CDH18: variants seen among roughly 807,000 people sequenced by gnomAD.
CDH18 encodes the protein cadherin-18.
CDH18 carries 31 observed loss-of-function variants against 67.9 expected under a neutral mutation model. The observed-to-expected ratio is 0.46, with a 90% CI of 0.34 to 0.62. The LOEUF (loss-of-function observed/expected upper bound fraction) is 0.62. Ranked by LOEUF, CDH18 falls within the 20% of genes least tolerant of loss-of-function variation. The pLI is 0.01. For missense variants in CDH18, 890 were observed against 975.5 expected (o/e 0.91, Z 1.17); for synonymous variants, 362 against 347.2 (o/e 1.04, Z -0.48).
At chr5:20,199,473 G>A (rs1435034007) in intron 2 of CDH18, among the ~76,000 whole-genome samples, 1 of 152,156 alleles carries the variant, frequency 6.6e-6, no homozygotes, top group African/African-American at 2.4e-5. Flanking sequence ...CACAATGCCT[G>A]TACCCCTATA....
intron 2 of CDH18, among the ~76,000 whole-genome samples, chr5:19,870,493 G>T (rs1404760377): frequency 6.6e-6 from 1 of 151,988 alleles, no homozygotes; most frequent in Non-Finnish European, 1.5e-5. Context: ...TTTGATATCG[G>T]TATGATATTC....
intron 2 of CDH18, among the ~76,000 whole-genome samples, chr5:20,007,706 TG>T (rs1437058509): frequency 2.3e-4 from 34 of 147,972 alleles, no homozygotes; most frequent in Non-Finnish European, 1.5e-4. Flanking sequence ...TGTGTGTGTG[TG>T]TGTGTGTGTC....
chr5:19,989,280 G>A (rs577620413), upstream of CDH18, among the ~76,000 whole-genome samples: 1 of 152,268 alleles, frequency 6.6e-6, no homozygotes, highest in East Asian at 1.9e-4. Context: ...CAAACACTAA[G>A]AGAAAGATAT....
At chr5:20,022,028 T>C (rs1165438668) in intron 2 of CDH18, among the ~76,000 whole-genome samples, 2 of 152,218 alleles carry the variant, frequency 1.3e-5, no homozygotes, top group African/African-American at 2.4e-5. Flanking sequence ...TTCAACACAT[T>C]ACATAAAGAG....
At chr5:19,497,268 A>G (rs1366614269) in intron 11 of CDH18, among the ~76,000 whole-genome samples, 1 of 152,224 alleles carries the variant, frequency 6.6e-6, no homozygotes, top group African/African-American at 2.4e-5. Context: ...AGTGATTTAC[A>G]TGTCTATAAA....
At chr5:20,051,850 G>A (rs1741448687) in intron 2 of CDH18, among the ~76,000 whole-genome samples, 1 of 151,944 alleles carries the variant, frequency 6.6e-6, no homozygotes, top group Non-Finnish European at 1.5e-5. Flanking sequence ...CACGATATAT[G>A]TCATACGGGA....
intron 2 of CDH18, among the ~76,000 whole-genome samples, chr5:19,881,894 T>C (rs1352879740): frequency 6.6e-6 from 1 of 152,174 alleles, no homozygotes; most frequent in Non-Finnish European, 1.5e-5. Context: ...TTCTGTATTC[T>C]ATTATAACCA....
intron 9 of CDH18, among the ~76,000 whole-genome samples, chr5:19,522,112 A>G (rs1746993524): frequency 1.3e-5 from 2 of 152,146 alleles, no homozygotes; most frequent in Non-Finnish European, 1.5e-5. Flanking sequence ...GAAAAGAAGT[A>G]AATTTTCATA....
intron 8 of CDH18, among the ~76,000 whole-genome samples, chr5:19,550,348 G>A (rs1737184085): frequency 1.3e-5 from 2 of 151,854 alleles, no homozygotes; most frequent in Admixed American, 1.3e-4. Context: ...GTGCCATGTC[G>A]GTGTGCTGCA....
intron 1 of CDH18, among the ~76,000 whole-genome samples, chr5:20,400,804 T>G (rs1365848805): frequency 6.6e-6 from 1 of 152,022 alleles, no homozygotes; most frequent in Non-Finnish European, 1.5e-5. Context: ...ATAAGTAAAA[T>G]AAGTAATAAG....
At chr5:19,847,426 G>T (rs1260114683) in intron 2 of CDH18, among the ~76,000 whole-genome samples, 2 of 151,910 alleles carry the variant, frequency 1.3e-5, no homozygotes, top group East Asian at 1.9e-4. Flanking sequence ...CAGTTTAGTT[G>T]TATTATTCAG....
chr5:20,432,255 C>A (rs1748802269), intron 1 of CDH18, among the ~76,000 whole-genome samples: 1 of 152,072 alleles, frequency 6.6e-6, no homozygotes, highest in Admixed American at 6.6e-5. Context: ...TTAATTTCCC[C>A]AAAATACTAA....
chr5:19,984,440 C>A (rs1799366058), intron 1 of CDH18, among the ~76,000 whole-genome samples: 1 of 152,036 alleles, frequency 6.6e-6, no homozygotes, highest in Non-Finnish European at 1.5e-5. Context: ...TCTTAAATTA[C>A]ATATTTCAAA....
chr5:20,252,935 CA>C (rs547191116), intron 2 of CDH18, among the ~76,000 whole-genome samples: 97 of 132,462 alleles, frequency 7.3e-4, no homozygotes, highest in Admixed American at 2.5e-3. Context: ...GACTCCACCT[CA>C]AAAAAAAAAA....
At chr5:20,199,938 T>C (rs772927011) in intron 2 of CDH18, among the ~76,000 whole-genome samples, 5 of 152,202 alleles carry the variant, frequency 3.3e-5, no homozygotes, top group Non-Finnish European at 5.9e-5. Context: ...TCTTCTGCTA[T>C]GATTCTCGAT....
At chr5:19,993,707 C>T (rs1481989865) in intron 2 of CDH18, among the ~76,000 whole-genome samples, 1 of 151,912 alleles carries the variant, frequency 6.6e-6, no homozygotes, top group Non-Finnish European at 1.5e-5. Context: ...CACACATATA[C>T]ACGCATATAG....
rs70954659 is a variant in CDH18, at chr5:20,471,833, TAAAAAAAA to T, written c.-580+103621_-580+103628del. 1.9e-3 allele frequency among the ~76,000 whole-genome samples: 100 copies of T among 51,494 alleles called. 2 individuals carry two copies. In the East Asian group the frequency reaches 0.038, roughly 20 times the overall value. The allele number at this position is 51,494 out of a possible 152,430, so 33.8% of individuals were successfully genotyped here. ...CTGGGCAACAGATCGAGATTCAGTC[TAAAAAAAA>T]AAAAAAAAAAGCAAAAGCATTGATA... On this transcript the variant is annotated intron_variant, in intron 1 of 14. Transcript: ENST00000507958.
chr5:19,553,472 G>T (rs1171586487), intron 8 of CDH18, among the ~76,000 whole-genome samples: 1 of 151,680 alleles, frequency 6.6e-6, no homozygotes, highest in Non-Finnish European at 1.5e-5. Context: ...TTGTCACTTT[G>T]TAAATATTTG....
intron 9 of CDH18, among the ~76,000 whole-genome samples, chr5:19,538,904 A>C (rs761225973): frequency 2.0e-5 from 3 of 152,210 alleles, no homozygotes; most frequent in Non-Finnish European, 4.4e-5. Context: ...CTGGCTCTTC[A>C]GAAACGGTAC....
Sources: gnomAD v4.1 joint callset for allele counts (sites outside exome capture counted in the v4.1 genomes callset) on GRCh38, gnomAD v4.1.1 for gene constraint, MANE v1.5 for transcripts, NCBI Gene and HGNC (gene_info 2026-07-23, HGNC 2026-07-21) for gene names.